POFUT3: variants seen among roughly 807,000 people sequenced by gnomAD.
POFUT3 encodes the protein GDP-fucose protein O-fucosyltransferase 3.
At chr8:33,364,386 A>C in the POFUT3 span, among the ~76,000 whole-genome samples, 48 of 152,344 alleles carry the variant, frequency 3.2e-4, 1 homozygote, top group East Asian at 7.3e-3. Context: ...CTCTCTCACC[A>C]TTCCTATTCA....
chr8:33,341,795 G>C, the POFUT3 span, among the ~76,000 whole-genome samples: 14 of 152,148 alleles, frequency 9.2e-5, no homozygotes, highest in Admixed American at 9.2e-4. Context: ...TTGGTGGCTA[G>C]TGCCTGTAAT....
chr8:33,320,152 A>T, the POFUT3 span, among the ~76,000 whole-genome samples: 6 of 151,968 alleles, frequency 3.9e-5, no homozygotes, highest in Admixed American at 3.3e-4. Context: ...TGAGATCTTA[A>T]CCTTTTAATT....
At chr8:33,394,988 C>G in the POFUT3 span, among the ~76,000 whole-genome samples, 1 of 152,174 alleles carries the variant, frequency 6.6e-6, no homozygotes, top group African/African-American at 2.4e-5. Context: ...AGCTCCATGT[C>G]CAACCTTCTA....
At chr8:33,357,564 G>C in the POFUT3 span, among the ~76,000 whole-genome samples, 2 of 151,158 alleles carry the variant, frequency 1.3e-5, no homozygotes, top group Non-Finnish European at 2.9e-5. Flanking sequence ...ACATATATAT[G>C]TGTATATATC....
chr8:33,442,363 C>A, the POFUT3 span, among the ~76,000 whole-genome samples: 1 of 151,750 alleles, frequency 6.6e-6, no homozygotes, highest in Non-Finnish European at 1.5e-5. Flanking sequence ...TCTTAGCTCA[C>A]TGCAAGCTCC....
the POFUT3 span, among the ~76,000 whole-genome samples, chr8:33,462,828 A>G: frequency 1.3e-5 from 2 of 151,960 alleles, no homozygotes; most frequent in Non-Finnish European, 2.9e-5. Flanking sequence ...CTACTCAGGA[A>G]GCTGAAGCAA....
chr8:33,470,392 C>A, the POFUT3 span, among the ~76,000 whole-genome samples: 1 of 152,056 alleles, frequency 6.6e-6, no homozygotes, highest in Non-Finnish European at 1.5e-5. Flanking sequence ...TGCACTCCAG[C>A]CTGGGTGGCA....
At chr8:33,356,594 G>C in the POFUT3 span, among the ~76,000 whole-genome samples, 1 of 151,628 alleles carries the variant, frequency 6.6e-6, no homozygotes, top group Non-Finnish European at 1.5e-5. Flanking sequence ...TGAGTAGGTT[G>C]CGAAAATTTT....
At chr8:33,408,204 T>C in the POFUT3 span, among the ~76,000 whole-genome samples, 1 of 151,622 alleles carries the variant, frequency 6.6e-6, no homozygotes, top group Non-Finnish European at 1.5e-5. Context: ...TGCATGCCTG[T>C]AGTCCCAGCT....
At chr8:33,348,455 G>A in the POFUT3 span, among the ~76,000 whole-genome samples, 1 of 152,192 alleles carries the variant, frequency 6.6e-6, no homozygotes, top group Admixed American at 6.5e-5. Context: ...TTTCCTTGTA[G>A]GTGTGTGGAT....
the POFUT3 span, among the ~76,000 whole-genome samples, chr8:33,335,675 G>A: frequency 4.5e-4 from 68 of 152,196 alleles, no homozygotes; most frequent in African/African-American, 1.4e-3. Flanking sequence ...TGCTGACTGG[G>A]AGCCTTACCA....
the POFUT3 span, among the ~76,000 whole-genome samples, chr8:33,326,603 A>G: frequency 1.3e-5 from 2 of 152,202 alleles, no homozygotes; most frequent in East Asian, 1.9e-4. Flanking sequence ...TTGACAGCTC[A>G]GCACACACAC....
chr8:33,319,690 AAT>A, the POFUT3 span, among the ~76,000 whole-genome samples: 8 of 52,680 alleles, frequency 1.5e-4, no homozygotes, highest in African/African-American at 3.5e-4. Flanking sequence ...ATATTATATA[AAT>A]ATATATATTT....
the POFUT3 span, among the ~76,000 whole-genome samples, chr8:33,383,947 A>G: frequency 3.0e-5 from 4 of 131,180 alleles, no homozygotes; most frequent in Admixed American, 7.3e-5. Context: ...CTGACCCCTG[A>G]AAAAAAAAAA....
the POFUT3 span, chr8:33,394,171 T>G: frequency 4.6e-6 from 1 of 216,054 alleles, no homozygotes; most frequent in Non-Finnish European, 9.2e-6. Flanking sequence ...GGTGACAGAG[T>G]GAGATCTTGT....
the POFUT3 span, among the ~76,000 whole-genome samples, chr8:33,321,294 T>C: frequency 6.6e-6 from 1 of 152,146 alleles, no homozygotes; most frequent in Non-Finnish European, 1.5e-5. Context: ...AGTCAAGGAT[T>C]CAGAGAAGAT....
the POFUT3 span, among the ~76,000 whole-genome samples, chr8:33,310,924 G>A: frequency 1.2e-4 from 18 of 152,212 alleles, no homozygotes; most frequent in African/African-American, 3.9e-4. Context: ...ATGTCCTCAT[G>A]TAAGGTTTGG....
the POFUT3 span, among the ~76,000 whole-genome samples, chr8:33,311,748 AG>A: frequency 6.6e-6 from 1 of 152,134 alleles, no homozygotes; most frequent in African/African-American, 2.4e-5. Context: ...GGCACATTCC[AG>A]GAAAATTCAT....
chr8:33,458,621 C>G, the POFUT3 span, among the ~76,000 whole-genome samples: 1 of 151,864 alleles, frequency 6.6e-6, no homozygotes, highest in African/African-American at 2.4e-5. Context: ...GAGGCTGAGG[C>G]AGGAGAATTG....
Sources: allele counts gnomAD v4.1 joint callset (sites outside exome capture counted in the v4.1 genomes callset), GRCh38; gene constraint gnomAD v4.1.1; transcripts MANE v1.5; gene names NCBI Gene and HGNC (gene_info 2026-07-23, HGNC 2026-07-21).